The following CLIP4 variants were observed in gnomAD, a reference collection of about 807,000 sequenced individuals.
CLIP4 encodes the protein CAP-Gly domain-containing linker protein 4.
CLIP4 carries 47 observed loss-of-function variants against 73.1 expected under a neutral mutation model. The ratio of observed to expected loss-of-function variants is 0.64; its 90% CI spans 0.51 to 0.82. The LOEUF (loss-of-function observed/expected upper bound fraction) is 0.82, where lower values mean the gene tolerates loss of function less well. Among genes scored for constraint, CLIP4 ranks in the 40% least tolerant of loss-of-function variants. The pLI is 0.00. For synonymous variants in CLIP4, 306 were observed against 295.4 expected (o/e 1.04, Z -0.37); for missense variants, 874 against 852.9 (o/e 1.02, Z -0.31).
intron 1 of CLIP4, among the ~76,000 whole-genome samples, chr2:29,102,097 G>A (rs1170089235): frequency 6.6e-6 from 1 of 152,124 alleles, no homozygotes; most frequent in Non-Finnish European, 1.5e-5. Context: ...GTCATTTCTG[G>A]TGGTCAGGAA....
intron 15 of CLIP4, chr2:29,175,603 A>G (rs1260113010): frequency 6.6e-6 from 1 of 152,178 alleles, no homozygotes; most frequent in African/African-American, 2.4e-5. Context: ...TACAGCAGGT[A>G]TGGTTATACA....
In CLIP4 at chr2:29,131,920, C is replaced by T. The variant is rs577641006; in HGVS notation, c.274-232C>T. The T allele has an allele frequency of 3.5e-4, 162 of 465,108 alleles. 2 individuals carry two copies. The South Asian group carries it at 6.4e-3, about 18-fold the overall frequency. 28.8% of individuals were successfully genotyped at this position (465,108 alleles called of 1,614,324 possible). A position where few individuals can be genotyped will look rare whatever the true frequency, so the allele number is the denominator to read the frequency against. ...GGAACATATTTGGAGTGCCAGATTA[C>T]CTTTGGAATAATCTTTAAGAATTTC... is the stretch of plus-strand genomic sequence containing the variant. On this transcript the variant is annotated intron_variant, in intron 3 of 15. Coordinates refer to ENST00000320081, the MANE Select transcript of CLIP4 (RefSeq NM_024692.6).
At chr2:29,163,108 T>C (rs1667394967) in intron 12 of CLIP4, among the ~76,000 whole-genome samples, 1 of 152,110 alleles carries the variant, frequency 6.6e-6, no homozygotes, top group Non-Finnish European at 1.5e-5. Context: ...TTACCTTATA[T>C]TGGGTAAAAC....
Position 29,135,532 on chromosome 2 carries a change from T to C in CLIP4, c.530-16T>C, listed in dbSNP as rs199567410. ...TTTAAACTTTTAGTTAATATACTTA[T>C]GATGTTTAATTGCAGATGTGGATGC... is the stretch of plus-strand genomic sequence containing the variant. On this transcript the variant is annotated splice_polypyrimidine_tract_variant and intron_variant, in intron 5 of 15. Transcript: ENST00000320081. 46 of 1,556,566 alleles carry C rather than the reference T, an allele frequency of 3.0e-5. No homozygotes were observed. The African/African-American group carries it at 4.2e-4, about 14-fold the overall frequency.
At chr2:29,163,134 CT>C (rs1188848229) in intron 12 of CLIP4, among the ~76,000 whole-genome samples, 8 of 151,970 alleles carry the variant, frequency 5.3e-5, no homozygotes, top group African/African-American at 1.9e-4. Context: ...TTAAAGCAAC[CT>C]TGCTACTTTA....
chr2:29,161,343 G>A (rs1667278641), intron 12 of CLIP4, among the ~76,000 whole-genome samples: 1 of 151,920 alleles, frequency 6.6e-6, no homozygotes, highest in African/African-American at 2.4e-5. Flanking sequence ...AACCAAGTTT[G>A]TATGTTTAGA....
intron 8 of CLIP4, among the ~76,000 whole-genome samples, chr2:29,149,410 C>CT (rs71403647): frequency 0.5 from 69,116 of 138,166 alleles, 17,705 homozygotes; most frequent in Non-Finnish European, 0.55. Context: ...TTCTCCTTTT[C>CT]TTTTTTTTTT....
intron 15 of CLIP4, among the ~76,000 whole-genome samples, chr2:29,176,871 C>G (rs928779582): frequency 1.3e-5 from 2 of 152,176 alleles, no homozygotes; most frequent in Admixed American, 6.5e-5. Flanking sequence ...TGTCTTTAGG[C>G]AAAACTGATA....
intron 6 of CLIP4, among the ~76,000 whole-genome samples, chr2:29,138,492 T>C (rs973991386): frequency 1.3e-5 from 2 of 151,402 alleles, no homozygotes. Context: ...TTGGGCTCTT[T>C]TTTTTTTTTG....
At chr2:29,143,279 C>T (rs1486112777) in intron 6 of CLIP4, among the ~76,000 whole-genome samples, 1 of 116,300 alleles carries the variant, frequency 8.6e-6, no homozygotes, top group Non-Finnish European at 1.9e-5. Context: ...CACAGCTCCT[C>T]CCTGGTCTGC....
Position 29,156,427 on chromosome 2 carries a change from T to A in CLIP4, c.1239T>A (p.Thr413=). ...LSLPPGEELK[T]VTEKDVALLG... ...TGCCTCCTGGTGAAGAACTTAAAAC[T>A]GTGACAGAGAAAGATGGTAATATAC... The change falls in exon 10 of 16, where the codon ACT becomes ACA. Residue 413 remains threonine (T), a synonymous_variant. Transcript: ENST00000320081. The A allele has an allele frequency of 2.5e-6, 4 of 1,577,172 alleles. No homozygotes were observed. The highest frequency in any genetic ancestry group is 3.4e-6 in the Non-Finnish European group (4 of 1,169,606).
chr2:29,133,589 T>C (rs1665132807), intron 4 of CLIP4, 66 bp from the exon 5 acceptor site: 1 of 1,487,332 alleles, frequency 6.7e-7, no homozygotes, highest in Admixed American at 2.1e-5. Flanking sequence ...AATGAGGCAA[T>C]TGGTAGCCAT....
chr2:29,170,462 T>C (rs926139117), intron 14 of CLIP4, among the ~76,000 whole-genome samples: 1 of 152,232 alleles, frequency 6.6e-6, no homozygotes, highest in Non-Finnish European at 1.5e-5. Flanking sequence ...AAATTCTGTT[T>C]GCTATTTTCT....
chr2:29,102,794 T>G (rs1668088687), intron 1 of CLIP4, among the ~76,000 whole-genome samples: 1 of 152,072 alleles, frequency 6.6e-6, no homozygotes, highest in Middle Eastern at 3.2e-3. Context: ...CCCAGCTAAT[T>G]TTTATATTTT....
intron 14 of CLIP4, among the ~76,000 whole-genome samples, chr2:29,170,611 C>T (rs1463742700): frequency 6.6e-6 from 1 of 152,122 alleles, no homozygotes; most frequent in Non-Finnish European, 1.5e-5. Context: ...TTAATGAAGT[C>T]CGAGTTATCA....
In CLIP4 at chr2:29,121,457, A is replaced by G; in HGVS notation, c.69A>G (p.Ile23Met). The change falls in exon 2 of 16, where the codon ATA (isoleucine) becomes ATG (methionine). Residue 23 changes from isoleucine to methionine, a missense_variant. Physicochemically the swap from Ile to Met is conservative, Grantham distance 10. Transcript: ENST00000320081. ...GNPLFGRYPF[I>M]FSASDTPVIF... ...CTTTGTTTGGAAGATACCCATTTAT[A>G]TTTTCTGCTTCTGATACCCCAGTTA... 6.2e-7 allele frequency: 1 copy of G among 1,613,668 alleles called. No individual in the cohort carries two copies. The highest frequency in any genetic ancestry group is 1.1e-5 in the South Asian group (1 of 91,062).
chr2:29,176,890 T>C (rs1452818754), intron 15 of CLIP4, among the ~76,000 whole-genome samples: 2 of 152,234 alleles, frequency 1.3e-5, no homozygotes, highest in South Asian at 2.1e-4. Flanking sequence ...TACCATCCAG[T>C]TGGCCACAGG....
intron 4 of CLIP4, among the ~76,000 whole-genome samples, chr2:29,132,873 T>G (rs1665076125): frequency 6.6e-6 from 1 of 152,044 alleles, no homozygotes; most frequent in Non-Finnish European, 1.5e-5. Flanking sequence ...CCATAAAATA[T>G]AAGCCCAAAT....
intron 1 of CLIP4, among the ~76,000 whole-genome samples, chr2:29,099,060 C>G (rs953302672): frequency 6.6e-6 from 1 of 152,136 alleles, no homozygotes; most frequent in African/African-American, 2.4e-5. Context: ...ATTGAATTTT[C>G]TTTTTATTAA....
Sources: gnomAD v4.1 joint callset for allele counts (sites outside exome capture counted in the v4.1 genomes callset) on GRCh38, gnomAD v4.1.1 for gene constraint, MANE v1.5 for transcripts, NCBI Gene and HGNC (gene_info 2026-07-23, HGNC 2026-07-21) for gene names.